Variants in TRPC7 observed in about 807,000 individuals in gnomAD.
TRPC7 encodes short transient receptor potential channel 7.
Under a neutral mutation model 90.1 loss-of-function variants are expected in TRPC7, and 42 were observed. The ratio of observed to expected loss-of-function variants is 0.47; its 90% CI spans 0.36 to 0.60. TRPC7 has a LOEUF of 0.60. Ranked by LOEUF, TRPC7 falls within the 20% of genes least tolerant of loss-of-function variation. TRPC7 has a pLI of 0.00. For missense variants in TRPC7, 955 were observed against 1,112.3 expected, an observed-to-expected ratio of 0.86 and a Z score of 2.01; for synonymous variants, 451 against 436.3, an observed-to-expected ratio of 1.03 and a Z score of -0.42.
At chr5:136,237,637 T>C (rs1432167675) in intron 7 of TRPC7, among the ~76,000 whole-genome samples, 1 of 152,232 alleles carries the variant, frequency 6.6e-6, no homozygotes, top group Non-Finnish European at 1.5e-5. Flanking sequence ...TGCTGCTTTG[T>C]TTCTGGCTGT....
intron 3 of TRPC7, among the ~76,000 whole-genome samples, chr5:136,285,224 G>T (rs183142811): frequency 4.5e-4 from 69 of 152,292 alleles, no homozygotes; most frequent in African/African-American, 1.4e-3. Flanking sequence ...AGGGAGAGTT[G>T]TAACAGACTT....
intron 2 of TRPC7, among the ~76,000 whole-genome samples, chr5:136,341,836 G>T (rs1202417118): frequency 6.6e-6 from 1 of 152,150 alleles, no homozygotes; most frequent in Non-Finnish European, 1.5e-5. Flanking sequence ...TGGGATCTCA[G>T]ATTATTAGCA....
intron 7 of TRPC7, among the ~76,000 whole-genome samples, chr5:136,243,323 A>C: frequency 6.8e-6 from 1 of 146,484 alleles, no homozygotes; most frequent in Non-Finnish European, 1.5e-5. Context: ...TGTGGCAGGA[A>C]TGGGGTTGGG....
Position 136,246,501 on chromosome 5 carries a change from C to T in TRPC7, c.1844+970G>A, listed in dbSNP as rs1417152267. On this transcript the variant is annotated intron_variant, in intron 7 of 11. Transcript: ENST00000513104. ...GGGCTATTCTGAGATGTGGTCTTTC[C>T]AGATAGTCCCCCTGGAGAGGTCCAT... Among the ~76,000 whole-genome samples the T allele has an allele frequency of 2.0e-5, 3 of 152,168 alleles. No homozygotes were observed. In the East Asian group the frequency reaches 5.8e-4, roughly 29 times the overall value.
chr5:136,344,829 A>G (rs1470041504), intron 2 of TRPC7, among the ~76,000 whole-genome samples: 1 of 152,224 alleles, frequency 6.6e-6, no homozygotes, highest in Non-Finnish European at 1.5e-5. Flanking sequence ...TAAGAGAATG[A>G]GCCAGTCAAA....
chr5:136,334,906 C>T (rs1179634739), intron 2 of TRPC7, among the ~76,000 whole-genome samples: 1 of 152,172 alleles, frequency 6.6e-6, no homozygotes, highest in East Asian at 1.9e-4. Flanking sequence ...GAAGCCAAGG[C>T]TGACTGTTCA....
At chr5:136,325,947 A>T (rs373863974) in intron 2 of TRPC7, among the ~76,000 whole-genome samples, 1 of 152,200 alleles carries the variant, frequency 6.6e-6, no homozygotes, top group Non-Finnish European at 1.5e-5. Flanking sequence ...TGTCAGATGG[A>T]AAGGGAGAGT....
intron 7 of TRPC7, among the ~76,000 whole-genome samples, chr5:136,236,535 G>A (rs1755987364): frequency 6.6e-6 from 1 of 152,194 alleles, no homozygotes; most frequent in African/African-American, 2.4e-5. Flanking sequence ...TCCTAATGAA[G>A]TAAAGGAGGA....
intron 3 of TRPC7, among the ~76,000 whole-genome samples, chr5:136,285,822 T>C (rs781676064): frequency 1.3e-5 from 2 of 152,218 alleles, no homozygotes; most frequent in Non-Finnish European, 2.9e-5. Context: ...TTTGATAGTC[T>C]AGTTCTTGCC....
intron 4 of TRPC7, 60 bp from the exon 5 acceptor site, chr5:136,266,496 T>G (rs1217798593): frequency 7.0e-7 from 1 of 1,438,416 alleles, no homozygotes; most frequent in Admixed American, 2.0e-5. Context: ...TAGGTCTTTC[T>G]TTATAACATC....
chr5:136,295,529 A>C (rs1397961503), intron 3 of TRPC7, among the ~76,000 whole-genome samples: 3 of 151,984 alleles, frequency 2.0e-5, no homozygotes. Flanking sequence ...CAGTGCCCCC[A>C]GTAGTCCCCA....
intron 1 of TRPC7, among the ~76,000 whole-genome samples, chr5:136,357,768 T>C (rs1323132944): frequency 6.6e-6 from 1 of 152,178 alleles, no homozygotes; most frequent in East Asian, 1.9e-4. Flanking sequence ...ACTAAACCCC[T>C]CTATGCTTTA....
intron 3 of TRPC7, among the ~76,000 whole-genome samples, chr5:136,290,784 A>T (rs1458172305): frequency 6.6e-6 from 1 of 152,132 alleles, no homozygotes; most frequent in Non-Finnish European, 1.5e-5. Context: ...TCAGGAAATA[A>T]AGAGAATGCC....
intron 3 of TRPC7, among the ~76,000 whole-genome samples, chr5:136,299,881 T>C (rs1417804363): frequency 1.4e-4 from 21 of 152,228 alleles, no homozygotes; most frequent in Non-Finnish European, 1.5e-5. Flanking sequence ...GGGATTTATG[T>C]TCTGCCATTG....
chr5:136,284,118 G>C (rs1757634443), intron 3 of TRPC7, among the ~76,000 whole-genome samples: 1 of 152,158 alleles, frequency 6.6e-6, no homozygotes, highest in Admixed American at 6.5e-5. Flanking sequence ...CCCAAAACTG[G>C]GAAACATTAT....
At position 136,224,286 on chromosome 5, in the gene TRPC7, G is replaced by A. The variant is rs183507787; in HGVS notation, c.2343+988C>T. On this transcript the variant is annotated intron_variant, in intron 10 of 11. Transcript: ENST00000513104. ...TTATAATTGATCATCTGTAGCTATCGTTTATCACTGGCGCATGGGCTGATC... is the reference window on the plus strand; with the variant it reads ...TTATAATTGATCATCTGTAGCTATCATTTATCACTGGCGCATGGGCTGATC... Among the ~76,000 whole-genome samples the A allele has an allele frequency of 3.9e-5, 6 of 152,302 alleles. No individual in the cohort carries two copies. In the East Asian group the frequency reaches 7.7e-4, roughly 20 times the overall value.
chr5:136,318,073 G>A lies in TRPC7; in HGVS notation c.781-2294C>T, dbSNP rs1759083548. 2.0e-5 allele frequency among the ~76,000 whole-genome samples: 3 copies of A among 152,204 alleles called. No individual in the cohort carries two copies. The South Asian group carries it at 6.2e-4, about 31-fold the overall frequency. ...GCGTTCTGCTGTCTGCAGTTGGCTA[G>A]AGGGGATAGAGAGAACCCAGGCCTG... On this transcript the variant is annotated intron_variant, in intron 2 of 11. Transcript: ENST00000513104.
At chr5:136,270,382 C>T (rs1209091495) in intron 4 of TRPC7, among the ~76,000 whole-genome samples, 2 of 152,168 alleles carry the variant, frequency 1.3e-5, no homozygotes, top group Non-Finnish European at 2.9e-5. Flanking sequence ...TTATTTAATA[C>T]ACACAACGCA....
chr5:136,230,028 A>C (rs542798147), intron 8 of TRPC7, among the ~76,000 whole-genome samples: 1 of 152,346 alleles, frequency 6.6e-6, no homozygotes, highest in South Asian at 2.1e-4. Context: ...TTCCCATGTC[A>C]GTACAAAACA....
Sources: gnomAD v4.1 joint callset for allele counts (sites outside exome capture counted in the v4.1 genomes callset) on GRCh38, gnomAD v4.1.1 for gene constraint, MANE v1.5 for transcripts, NCBI Gene and HGNC (gene_info 2026-07-23, HGNC 2026-07-21) for gene names.